PRKN: variants seen among roughly 807,000 people sequenced by gnomAD.
The protein encoded by PRKN is parkin RBR E3 ubiquitin protein ligase.
PRKN carries 56 observed loss-of-function variants against 59.5 expected under a neutral mutation model. The observed-to-expected ratio is 0.94, with a 90% confidence interval of 0.76 to 1.18. The LOEUF (loss-of-function observed/expected upper bound fraction) is 1.18, where lower values mean the gene tolerates loss of function less well. Ranked by LOEUF, PRKN falls within the 50% of genes most tolerant of loss-of-function variation. The pLI is 0.00. For synonymous variants in PRKN, 250 were observed against 222.1 expected, an observed-to-expected ratio of 1.13 and a Z score of -1.12; for missense variants, 657 against 596.4, an observed-to-expected ratio of 1.10 and a Z score of -1.06.
rs112688448 is a variant in PRKN, at chr6:162,404,093, C to T, written c.171+39217G>A. On this transcript the variant is annotated intron_variant, in intron 2 of 11. Transcript: ENST00000366898. Reference sequence around the variant, plus strand: ...CAGTTTAGAAATAATCCTTTTTGGCCGGGTGCAGTGGCTCATGCCTGTAAT... The same window carrying T: ...CAGTTTAGAAATAATCCTTTTTGGCTGGGTGCAGTGGCTCATGCCTGTAAT... Among the ~76,000 whole-genome samples the T allele has an allele frequency of 6.1e-3, 922 of 152,038 alleles. 8 individuals are homozygous for T. The highest frequency in any genetic ancestry group is 0.015 in the African/African-American group (622 of 41,498).
intron 6 of PRKN, among the ~76,000 whole-genome samples, chr6:161,911,426 GA>G (rs1778356618): frequency 6.6e-6 from 1 of 151,898 alleles, no homozygotes; most frequent in Admixed American, 6.6e-5. Flanking sequence ...ACATTCTGTA[GA>G]AAAAAAAGTG....
chr6:161,846,727 C>A (rs1368783857), intron 6 of PRKN, among the ~76,000 whole-genome samples: 1 of 152,178 alleles, frequency 6.6e-6, no homozygotes, highest in South Asian at 2.1e-4. Context: ...TTGGGTCCCA[C>A]CTTACCAAAT....
intron 7 of PRKN, among the ~76,000 whole-genome samples, chr6:161,600,144 A>T (rs934962580): frequency 6.6e-6 from 1 of 152,188 alleles, no homozygotes; most frequent in Non-Finnish European, 1.5e-5. Context: ...TATTTTGAAT[A>T]GCCTAATTTT....
At chr6:162,437,710 C>T (rs1425142536) in intron 2 of PRKN, among the ~76,000 whole-genome samples, 2 of 152,188 alleles carry the variant, frequency 1.3e-5, no homozygotes, top group African/African-American at 4.8e-5. Flanking sequence ...GCTTTTTCCA[C>T]ACAGCACATT....
chr6:161,952,328 C>T (rs1780020076), intron 6 of PRKN, among the ~76,000 whole-genome samples: 1 of 152,088 alleles, frequency 6.6e-6, no homozygotes, highest in Admixed American at 6.6e-5. Flanking sequence ...TTTAAAATTA[C>T]AATAGTCGGC....
At chr6:161,867,949 C>G (rs998216538) in intron 6 of PRKN, among the ~76,000 whole-genome samples, 3 of 151,462 alleles carry the variant, frequency 2.0e-5, no homozygotes, top group Non-Finnish European at 1.5e-5. Context: ...TTAGTAGAGA[C>G]GAGGTTTCTC....
At position 161,440,284 on chromosome 6, in the gene PRKN, C is replaced by T. The variant is rs1426964083; in HGVS notation, c.1084-53407G>A. Among the ~76,000 whole-genome samples the T allele has an allele frequency of 2.6e-5, 4 of 152,116 alleles. No individual in the cohort carries two copies. The highest frequency in any genetic ancestry group is 5.9e-5 in the Non-Finnish European group (4 of 68,014). On this transcript the variant is annotated intron_variant, in intron 9 of 11. Coordinates refer to ENST00000366898, the MANE Select transcript of PRKN (RefSeq NM_004562.3). This position sits in a 1 kb window ranked among gnomAD's most constrained non-coding sequence, Gnocchi z 4.1. ...TAAGTTTTTACCCTTCCCATTATGT[C>T]AGAAGTTCTCAGTTGACAATGTCTG...
intron 1 of PRKN, among the ~76,000 whole-genome samples, chr6:162,613,029 A>G (rs1218534883): frequency 6.6e-6 from 1 of 152,260 alleles, no homozygotes; most frequent in Non-Finnish European, 1.5e-5. Context: ...CCAACAAGAC[A>G]TACCAATTAA....
Position 161,902,560 on chromosome 6 carries a change from A to ATCTATTTTTTTTT in PRKN, c.734+70741_734+70742insAAAAAAAAATAGA, listed in dbSNP as rs1554245457. Among the ~76,000 whole-genome samples, 942 of 125,128 alleles carry ATCTATTTTTTTTT rather than the reference A, an allele frequency of 7.5e-3. 23 individuals are homozygous for ATCTATTTTTTTTT. Among genetic ancestry groups the ATCTATTTTTTTTT allele is most frequent in the East Asian group, 0.049 (196 of 4,018 alleles). The allele number at this position is 125,128 out of a possible 152,430, so 82.1% of individuals were successfully genotyped here. ...TATCTATCTATCTATTTATTTATTT[A>ATCTATTTTTTTTT]TTTATTTTTTTTTTTTTGCGACAGA... is the stretch of plus-strand genomic sequence containing the variant. On this transcript the variant is annotated intron_variant, in intron 6 of 11. Transcript: ENST00000366898.
intron 7 of PRKN, among the ~76,000 whole-genome samples, chr6:161,648,778 C>T (rs1387316798): frequency 2.0e-5 from 3 of 152,150 alleles, no homozygotes; most frequent in African/African-American, 7.2e-5. Flanking sequence ...CATTCAAGCC[C>T]AGTCTAGAAC....
rs1801582 is a variant in PRKN, at chr6:161,386,823, C to G, written c.1138G>C (p.Val380Leu). ...GTAGTTGTTCCTGAGGCTTCAAATA[C>G]GGCACTGCACTCCCCTTCATGGTAC... ...EAYHEGECSA[V>L]FEASGTTTQA... Residue 380 changes from valine (V) to leucine (L), a missense_variant, in exon 10 of 12, where the codon GTA becomes CTA. Val to Leu is a conservative substitution (Grantham distance 32). Transcript: ENST00000366898. This position sits in a 1 kb window ranked among gnomAD's most constrained non-coding sequence, Gnocchi z 4.3. The G allele has an allele frequency of 0.17, 271,547 of 1,612,592 alleles. 24,035 individuals carry two copies. The highest frequency in any genetic ancestry group is 0.26 in the South Asian group (23,923 of 91,036).
chr6:161,432,006 C>T (rs1788668861), intron 9 of PRKN, among the ~76,000 whole-genome samples: 1 of 152,208 alleles, frequency 6.6e-6, no homozygotes. Context: ...CTCTTTATTA[C>T]ATGACTCTTA....
chr6:162,485,600 A>G (rs1792500862), intron 1 of PRKN, among the ~76,000 whole-genome samples: 8 of 152,176 alleles, frequency 5.3e-5, no homozygotes, highest in Admixed American at 5.2e-4. Context: ...TAGTAACTCA[A>G]TTTGATGCAG....
At chr6:162,639,437 C>T (rs1777874096) in intron 1 of PRKN, among the ~76,000 whole-genome samples, 2 of 152,048 alleles carry the variant, frequency 1.3e-5, no homozygotes, top group African/African-American at 4.8e-5. Flanking sequence ...TGTTTAAAGG[C>T]AATTTTACAA....
In PRKN at chr6:161,470,578, C is replaced by G. The variant is rs909295857; in HGVS notation, c.1083+78276G>C. ...CCCTGGCCCTCCTCTGGCCACACCC[C>G]TCTTCCTGGAGCAAAGAGTCTGTGG... is the stretch of plus-strand genomic sequence containing the variant. On this transcript the variant is annotated intron_variant, in intron 9 of 11. Coordinates refer to ENST00000366898, the MANE Select transcript of PRKN (RefSeq NM_004562.3). This position sits in a 1 kb window ranked among gnomAD's most constrained non-coding sequence, Gnocchi z 5.1. 2.6e-5 allele frequency among the ~76,000 whole-genome samples: 4 copies of G among 152,220 alleles called. No homozygotes were observed. Among genetic ancestry groups the G allele is most frequent in the African/African-American group, 9.6e-5 (4 of 41,458 alleles).
chr6:162,454,808 G>A (rs534022394), intron 1 of PRKN, among the ~76,000 whole-genome samples: 11 of 152,312 alleles, frequency 7.2e-5, no homozygotes, highest in African/African-American at 2.6e-4. Flanking sequence ...CCCCACGGTG[G>A]CTCTGGTGCA....
chr6:161,490,385 C>CTT (rs1562483323), intron 9 of PRKN, among the ~76,000 whole-genome samples: 6 of 63,040 alleles, frequency 9.5e-5, no homozygotes, highest in South Asian at 6.4e-4. Flanking sequence ...TTCTTTCTTT[C>CTT]CTTTTTTTTT....
At chr6:161,404,348 C>T (rs138865739) in intron 9 of PRKN, among the ~76,000 whole-genome samples, 2 of 152,264 alleles carry the variant, frequency 1.3e-5, no homozygotes, top group East Asian at 1.9e-4. Flanking sequence ...AACGCATAGA[C>T]GGGATGACAG....
At chr6:161,358,819 G>C (rs1393461187) in intron 11 of PRKN, among the ~76,000 whole-genome samples, 2 of 116,528 alleles carry the variant, frequency 1.7e-5, no homozygotes, top group African/African-American at 6.7e-5. Context: ...TTTTGAGATG[G>C]AGTCTCACTC....
Sources: allele counts gnomAD v4.1 joint callset (sites outside exome capture counted in the v4.1 genomes callset), GRCh38; gene constraint gnomAD v4.1.1; non-coding constraint Gnocchi (gnomAD v3.1); transcripts MANE v1.5; gene names NCBI Gene and HGNC (gene_info 2026-07-23, HGNC 2026-07-21).